BRINP3: variants seen among roughly 807,000 people sequenced by gnomAD.
BRINP3 encodes the protein BMP/retinoic acid-inducible neural-specific protein 3.
BRINP3 carries 19 observed loss-of-function variants against 71.0 expected under a neutral mutation model. The observed-to-expected ratio is 0.27, with a 90% CI of 0.19 to 0.39. BRINP3 has a LOEUF of 0.39. BRINP3 is among the 10% of genes least tolerant of loss of function. The probability of loss-of-function intolerance (pLI) is 1.00; values close to 1 mark genes in which losing one functional copy is unlikely to be tolerated. For missense variants in BRINP3, 959 were observed against 940.8 expected (o/e 1.02, Z -0.25); for synonymous variants, 380 against 337.7 (o/e 1.13, Z -1.37).
At chr1:190,449,576 T>C (rs776640625) in intron 2 of BRINP3, among the ~76,000 whole-genome samples, 9 of 151,920 alleles carry the variant, frequency 5.9e-5, no homozygotes, top group Non-Finnish European at 1.2e-4. Context: ...TATATATATA[T>C]GTACATAATA....
chr1:190,378,641 T>G (rs1292840376), intron 2 of BRINP3, among the ~76,000 whole-genome samples: 2 of 152,210 alleles, frequency 1.3e-5, no homozygotes, highest in Non-Finnish European at 2.9e-5. Context: ...CATTTTCTCT[T>G]TTTAGACATG....
chr1:190,307,529 C>A (rs1665201794), intron 2 of BRINP3, among the ~76,000 whole-genome samples: 1 of 151,814 alleles, frequency 6.6e-6, no homozygotes, highest in Non-Finnish European at 1.5e-5. Context: ...CATTTGTGTA[C>A]ACAAATAGCT....
chr1:190,127,228 A>T (rs1440095675), intron 7 of BRINP3, among the ~76,000 whole-genome samples: 2 of 151,900 alleles, frequency 1.3e-5, no homozygotes, highest in East Asian at 3.9e-4. Context: ...TTGAACAGCT[A>T]TTCCAAATTT....
In BRINP3 at chr1:190,377,710, C is replaced by G. The variant is rs565705297; in HGVS notation, c.236+76945G>C. 4.0e-4 allele frequency among the ~76,000 whole-genome samples: 61 copies of G among 151,418 alleles called. 1 individual carries two copies. The South Asian group carries it at 0.012, about 31-fold the overall frequency. Reference sequence around the variant, plus strand: ...AAGTGAAGGACTCAAAATCAACCCTCACAACAATTGTGTCTTTATACAGTA... The same window carrying G: ...AAGTGAAGGACTCAAAATCAACCCTGACAACAATTGTGTCTTTATACAGTA... On this transcript the variant is annotated intron_variant, in intron 2 of 7. Coordinates refer to ENST00000367462, the MANE Select transcript of BRINP3 (RefSeq NM_199051.3).
intron 2 of BRINP3, among the ~76,000 whole-genome samples, chr1:190,321,120 CTAGT>C (rs1666211421): frequency 6.6e-6 from 1 of 151,826 alleles, no homozygotes; most frequent in South Asian, 2.1e-4. Flanking sequence ...CAGGGCCAGA[CTAGT>C]TAGTTAGGCA....
At chr1:190,273,382 T>C (rs1662280934) in intron 3 of BRINP3, among the ~76,000 whole-genome samples, 1 of 151,534 alleles carries the variant, frequency 6.6e-6, no homozygotes, top group South Asian at 2.1e-4. Context: ...ATTTTGAAAA[T>C]GATTCAACAT....
At chr1:190,120,136 A>AG (rs397982362) in intron 7 of BRINP3, among the ~76,000 whole-genome samples, 2 of 152,006 alleles carry the variant, frequency 1.3e-5, no homozygotes, top group Non-Finnish European at 2.9e-5. Context: ...ATTTGAAAAA[A>AG]TCCAAAGGCT....
At chr1:190,272,375 A>G (rs1662183983) in intron 3 of BRINP3, among the ~76,000 whole-genome samples, 1 of 151,470 alleles carries the variant, frequency 6.6e-6, no homozygotes, top group Non-Finnish European at 1.5e-5. Flanking sequence ...GTAATAGCAC[A>G]TCATCTCTCT....
chr1:190,223,339 G>A (rs535988697), intron 6 of BRINP3, among the ~76,000 whole-genome samples: 1 of 151,942 alleles, frequency 6.6e-6, no homozygotes, highest in East Asian at 1.9e-4. Flanking sequence ...TCATCCTAGG[G>A]ATACAAAGAT....
chr1:190,260,548 A>AT (rs1409373538), intron 4 of BRINP3, among the ~76,000 whole-genome samples: 1 of 151,642 alleles, frequency 6.6e-6, no homozygotes, highest in Non-Finnish European at 1.5e-5. Flanking sequence ...TTAAAAACAT[A>AT]TATATATATA....
chr1:190,441,713 A>G (rs1210574047), intron 2 of BRINP3, among the ~76,000 whole-genome samples: 3 of 152,098 alleles, frequency 2.0e-5, no homozygotes, highest in African/African-American at 7.2e-5. Context: ...TGTTTTTATT[A>G]TTATTTTTAA....
At chr1:190,129,408 A>G (rs1237976273) in intron 7 of BRINP3, among the ~76,000 whole-genome samples, 1 of 151,920 alleles carries the variant, frequency 6.6e-6, no homozygotes, top group Non-Finnish European at 1.5e-5. Flanking sequence ...ACATGCAAAT[A>G]AGCATTGAAT....
intron 2 of BRINP3, among the ~76,000 whole-genome samples, chr1:190,299,345 TTG>T (rs1324347631): frequency 1.3e-5 from 2 of 151,854 alleles, no homozygotes; most frequent in Non-Finnish European, 2.9e-5. Context: ...ATGCTTTCTT[TTG>T]TTTCTGTTTT....
intron 6 of BRINP3, among the ~76,000 whole-genome samples, chr1:190,166,956 C>T (rs1358189536): frequency 6.6e-6 from 1 of 151,934 alleles, no homozygotes; most frequent in Admixed American, 6.6e-5. Context: ...AACTCCTGAC[C>T]TCGGGTGATC....
intron 6 of BRINP3, among the ~76,000 whole-genome samples, chr1:190,188,803 C>T (rs1365030049): frequency 6.6e-6 from 1 of 151,848 alleles, no homozygotes. Context: ...TCTTGTTGCC[C>T]AGGCTGGAGT....
chr1:190,238,211 A>T (rs1166085138), intron 4 of BRINP3, among the ~76,000 whole-genome samples: 1 of 152,076 alleles, frequency 6.6e-6, no homozygotes, highest in Admixed American at 6.6e-5. Context: ...TTGGGTTGAG[A>T]AGGTAGAAAC....
chr1:190,361,173 G>A (rs1669122222), intron 2 of BRINP3, among the ~76,000 whole-genome samples: 1 of 151,948 alleles, frequency 6.6e-6, no homozygotes. Flanking sequence ...AGGGCTGTAA[G>A]AAAGAGACTG....
intron 2 of BRINP3, among the ~76,000 whole-genome samples, chr1:190,388,198 A>T (rs1449881639): frequency 2.0e-5 from 3 of 151,842 alleles, no homozygotes; most frequent in Admixed American, 1.3e-4. Flanking sequence ...TGTTCCATTT[A>T]TGAAATTATA....
At chr1:190,277,673 G>A (rs1244945380) in intron 3 of BRINP3, among the ~76,000 whole-genome samples, 2 of 151,360 alleles carry the variant, frequency 1.3e-5, no homozygotes, top group Non-Finnish European at 1.5e-5. Context: ...TTTGTATTCA[G>A]TACACAGATA....
Sources: gnomAD v4.1 joint callset for allele counts (sites outside exome capture counted in the v4.1 genomes callset) on GRCh38, gnomAD v4.1.1 for gene constraint, MANE v1.5 for transcripts, NCBI Gene and HGNC (gene_info 2026-07-23, HGNC 2026-07-21) for gene names.